Variants in COL24A1 observed in about 807,000 individuals in gnomAD.
COL24A1 encodes collagen type XXIV alpha 1 chain.
COL24A1 carries 224 observed loss-of-function variants against 253.9 expected under a neutral mutation model. The observed-to-expected ratio is 0.88, with a 90% CI of 0.79 to 0.99. The LOEUF is 0.99. Ranked by LOEUF, COL24A1 falls within the 50% of genes least tolerant of loss-of-function variation. The pLI, the probability that COL24A1 is intolerant of heterozygous loss-of-function variation, is 0.00. For synonymous variants in COL24A1, 685 were observed against 673.7 expected (o/e 1.02, Z -0.26); for missense variants, 2,131 against 2,068.5 (o/e 1.03, Z -0.59).
At chr1:86,131,923 T>G (rs1171063238) in intron 2 of COL24A1, among the ~76,000 whole-genome samples, 2 of 152,218 alleles carry the variant, frequency 1.3e-5, no homozygotes, top group African/African-American at 2.4e-5. Flanking sequence ...TTTAGATCCC[T>G]GAGGAATCGT....
intron 2 of COL24A1, among the ~76,000 whole-genome samples, chr1:86,134,556 T>G (rs1649900346): frequency 6.7e-6 from 1 of 149,988 alleles, no homozygotes; most frequent in Non-Finnish European, 1.5e-5. Flanking sequence ...GTGTCTTGGT[T>G]CTCGTTGGTT....
rs1648096438 is a variant in COL24A1, at chr1:86,125,345, C to A, written c.991G>T (p.Gly331Trp). 6.2e-7 allele frequency: 1 copy of A among 1,613,484 alleles called. No individual in the cohort carries two copies. The highest frequency in any genetic ancestry group is 8.5e-7 in the Non-Finnish European group (1 of 1,179,812). Residue 331 changes from glycine to tryptophan, a missense_variant, in exon 3 of 60, where the codon GGG becomes TGG. Physicochemically the swap from Gly to Trp is radical, Grantham distance 184. Coordinates refer to ENST00000370571, the MANE Select transcript of COL24A1 (RefSeq NM_152890.7). ...NVSAVDLTNH[G>W]IQAKEMITEE... ...GTGATCATTTCTTTGGCCTGAATCC[C>A]ATGGTTTGTGAGATCCACAGCAGAG...
At chr1:86,093,729 C>A (rs1000602969) in intron 5 of COL24A1, among the ~76,000 whole-genome samples, 2 of 151,984 alleles carry the variant, frequency 1.3e-5, no homozygotes, top group African/African-American at 4.8e-5. Context: ...AACATTTTTG[C>A]AAACTATGCA....
At chr1:85,893,633 A>G (rs59726183) in intron 31 of COL24A1, among the ~76,000 whole-genome samples, 1,799 of 152,194 alleles carry the variant, frequency 0.012, 29 homozygotes, top group African/African-American at 0.04. Context: ...CAAGTATTGT[A>G]TAGGAAACAG....
chr1:85,773,941 C>T (rs1668253643), intron 53 of COL24A1, among the ~76,000 whole-genome samples: 1 of 152,108 alleles, frequency 6.6e-6, no homozygotes, highest in East Asian at 1.9e-4. Context: ...GTATCCTTGT[C>T]TTGTGGCAGT....
chr1:85,930,396 T>A lies in COL24A1; in HGVS notation c.2563-18963A>T, dbSNP rs1483759197. Among the ~76,000 whole-genome samples, 2 of 50,464 alleles carry A rather than the reference T, an allele frequency of 4.0e-5. 1 individual carries two copies. The highest frequency in any genetic ancestry group is 1.5e-3 in the South Asian group (2 of 1,312). 33.1% of individuals were successfully genotyped at this position (50,464 alleles called of 152,430 possible). Reference sequence around the variant, plus strand: ...AAGACTAAACCAGGAAGAAGTTGAATCTCTGAATAGACCAATAACAGGCTC... The same window carrying A: ...AAGACTAAACCAGGAAGAAGTTGAAACTCTGAATAGACCAATAACAGGCTC... On this transcript the variant is annotated intron_variant, in intron 24 of 59. Coordinates refer to ENST00000370571, the MANE Select transcript of COL24A1 (RefSeq NM_152890.7).
At chr1:86,012,962 G>A (rs934441249) in intron 19 of COL24A1, among the ~76,000 whole-genome samples, 2 of 152,096 alleles carry the variant, frequency 1.3e-5, no homozygotes, top group African/African-American at 4.8e-5. Context: ...TATGGTGGTG[G>A]TGGTGGTGGC....
At chr1:85,823,407 C>T in intron 45 of COL24A1, 129 bp downstream of exon 45, 1 of 812,710 alleles carries the variant, frequency 1.2e-6, no homozygotes, top group South Asian at 1.6e-5. Flanking sequence ...TACTTAGAGG[C>T]CCATAGTGAT....
At chr1:85,907,432 A>G (rs1202934807) in intron 27 of COL24A1, among the ~76,000 whole-genome samples, 185 bp from the exon 28 acceptor site, 1 of 151,900 alleles carries the variant, frequency 6.6e-6, no homozygotes, top group African/African-American at 2.4e-5. Context: ...ATATTCTACT[A>G]TTTGGACAAA....
At chr1:86,013,763 G>C (rs191433444) in intron 19 of COL24A1, among the ~76,000 whole-genome samples, 139 of 152,276 alleles carry the variant, frequency 9.1e-4, no homozygotes, top group African/African-American at 3.1e-3. Flanking sequence ...TTCAACCTGG[G>C]AGGCAGAGGT....
At position 85,784,247 on chromosome 1, in the gene COL24A1, G is replaced by A. The variant is rs1669436184; in HGVS notation, c.4167+12C>T. On this transcript the variant is annotated intron_variant, in intron 49 of 59. Coordinates refer to ENST00000370571, the MANE Select transcript of COL24A1 (RefSeq NM_152890.7). ...GAATAAATGCTTGGTGAATTTCTGA[G>A]GTGGTACATACAGGCTGCCCTTTCA... 1 of 1,612,596 alleles carries A rather than the reference G, an allele frequency of 6.2e-7. No homozygotes were observed. Among genetic ancestry groups the A allele is most frequent in the Non-Finnish European group, 8.5e-7 (1 of 1,178,804 alleles).
At position 86,038,670 on chromosome 1, in the gene COL24A1, G is replaced by A. The variant is rs370555855; in HGVS notation, c.1951-4747C>T. Reference sequence around the variant, plus strand: ...GTAATTTCTGAAGCTAGGTCATAAAGATACTACAGCTATCACCTTGCTGTA... The same window carrying A: ...GTAATTTCTGAAGCTAGGTCATAAAAATACTACAGCTATCACCTTGCTGTA... On this transcript the variant is annotated intron_variant, in intron 12 of 59. Coordinates refer to ENST00000370571, the MANE Select transcript of COL24A1 (RefSeq NM_152890.7). 5.9e-5 allele frequency among the ~76,000 whole-genome samples: 9 copies of A among 152,212 alleles called. No homozygotes were observed. In the South Asian group the frequency reaches 1.9e-3, roughly 32 times the overall value.
At chr1:85,903,489 G>A (rs545303114) in intron 28 of COL24A1, among the ~76,000 whole-genome samples, 1 of 152,040 alleles carries the variant, frequency 6.6e-6, no homozygotes, top group Non-Finnish European at 1.5e-5. Context: ...ATTATAATAG[G>A]CACCTAAATT....
chr1:86,152,542 A>G (rs1652914860), intron 1 of COL24A1, among the ~76,000 whole-genome samples: 1 of 152,164 alleles, frequency 6.6e-6, no homozygotes, highest in Non-Finnish European at 1.5e-5. Context: ...CAAAATCCCA[A>G]ACACTTCTGG....
intron 45 of COL24A1, 45 bp from the exon 46 acceptor site, chr1:85,818,132 C>G: frequency 6.6e-7 from 1 of 1,510,828 alleles, no homozygotes; most frequent in African/African-American, 1.4e-5. Context: ...AATAATCTTA[C>G]TTAAACTGAA....
chr1:85,921,949 T>A (rs955191997), intron 24 of COL24A1, among the ~76,000 whole-genome samples: 1 of 152,036 alleles, frequency 6.6e-6, no homozygotes, highest in Non-Finnish European at 1.5e-5. Context: ...CCAACTAGAA[T>A]AAACAATGTA....
intron 5 of COL24A1, among the ~76,000 whole-genome samples, chr1:86,099,230 T>C (rs1219995804): frequency 6.6e-6 from 1 of 152,096 alleles, no homozygotes; most frequent in African/African-American, 2.4e-5. Flanking sequence ...ACATATCAAA[T>C]TTTGTGAGAT....
intron 12 of COL24A1, among the ~76,000 whole-genome samples, chr1:86,043,710 T>C (rs1699677114): frequency 6.6e-6 from 1 of 152,058 alleles, no homozygotes; most frequent in Non-Finnish European, 1.5e-5. Context: ...GTATTTTTAG[T>C]AGAGACAGGG....
At chr1:85,900,163 A>C (rs1222278223) in intron 28 of COL24A1, among the ~76,000 whole-genome samples, 2 of 152,230 alleles carry the variant, frequency 1.3e-5, no homozygotes, top group Non-Finnish European at 2.9e-5. Context: ...TTTAAAAAAT[A>C]CTTTTACTAC....
Sources: allele counts gnomAD v4.1 joint callset (sites outside exome capture counted in the v4.1 genomes callset), GRCh38; gene constraint gnomAD v4.1.1; transcripts MANE v1.5; gene names NCBI Gene and HGNC (gene_info 2026-07-23, HGNC 2026-07-21).